The following DUSP4 variants were observed in gnomAD, a reference collection of about 807,000 sequenced individuals.
DUSP4 encodes dual specificity protein phosphatase 4.
DUSP4 carries 12 observed loss-of-function variants against 27.2 expected under a neutral mutation model. The observed-to-expected ratio is 0.44, with a 90% confidence interval of 0.28 to 0.71. The LOEUF is 0.71. Among genes scored for constraint, DUSP4 ranks in the 30% least tolerant of loss-of-function variants. DUSP4 has a pLI of 0.14. For synonymous variants in DUSP4, 257 were observed against 245.2 expected, an observed-to-expected ratio of 1.05 and a Z score of -0.45; for missense variants, 448 against 551.3, an observed-to-expected ratio of 0.81 and a Z score of 1.88.
intron 1 of DUSP4, chr8:29,345,862 A>G: frequency 9.6e-7 from 1 of 1,042,880 alleles, no homozygotes; most frequent in Non-Finnish European, 1.1e-6. Context: ...GTAAAAAATC[A>G]CCTGTAAGAC....
intron 1 of DUSP4, chr8:29,348,153 T>A (rs1817762293): frequency 1.0e-6 from 1 of 985,542 alleles, no homozygotes; most frequent in South Asian, 4.7e-5. Context: ...GGTCCCGGGT[T>A]TGGACGCCAG....
At position 29,345,257 on chromosome 8, in the gene DUSP4, G is replaced by A. The variant is rs991992564; in HGVS notation, c.433+4589C>T. The A allele has an allele frequency of 3.3e-5, 42 of 1,277,388 alleles. No individual in the cohort carries two copies. The Admixed American group carries it at 6.8e-4, about 21-fold the overall frequency. The allele number at this position is 1,277,388 out of a possible 1,614,324, so 79.1% of individuals were successfully genotyped here. On this transcript the variant is annotated intron_variant, in intron 1 of 3. Coordinates refer to ENST00000240100, the MANE Select transcript of DUSP4 (RefSeq NM_001394.7). ...TCATGCTCTTGCAAGAAAGTCTGGG[G>A]TTGTTTGAAGGCCATTTGCCTTTGG...
At position 29,350,475 on chromosome 8, in the gene DUSP4, G is replaced by A. The variant is rs991458031; in HGVS notation, c.-197C>T. ...CCCGCAGCCTCGCGGTCACATAGCA[G>A]TCGGAGCGGCCTCGGGCGCCCAGCC... is the stretch of plus-strand genomic sequence containing the variant. On this transcript the variant is annotated 5_prime_UTR_variant, in exon 1 of 4. Transcript: ENST00000240100. 3.0e-6 allele frequency: 2 copies of A among 673,992 alleles called. No individual in the cohort carries two copies. The highest frequency in any genetic ancestry group is 2.4e-5 in the South Asian group (1 of 40,994). The allele number at this position is 673,992 out of a possible 1,614,324, so 41.8% of individuals were successfully genotyped here.
Position 29,350,186 on chromosome 8 carries a change from G to A in DUSP4, c.93C>T (p.Ser31=), listed in dbSNP as rs1001753445. 1 of 1,607,382 alleles carries A rather than the reference G, an allele frequency of 6.2e-7. No individual in the cohort carries two copies. ...GCAGCCCCAGGGTGCCGTGGCTGCCGCTGCCGCCCGCGCCGCCGCCATTCT... is the reference window on the plus strand; with the variant it reads ...GCAGCCCCAGGGTGCCGTGGCTGCCACTGCCGCCCGCGCCGCCGCCATTCT... ...RDENGGGAGG[S]GSHGTLGLPS... is the part of the protein sequence containing the mutation. The change falls in exon 1 of 4, where the codon AGC becomes AGT. Residue 31 remains serine, a synonymous_variant. Transcript: ENST00000240100.
intron 2 of DUSP4, among the ~76,000 whole-genome samples, chr8:29,339,891 T>A (rs1463834224): frequency 6.9e-6 from 1 of 145,158 alleles, no homozygotes; most frequent in Non-Finnish European, 1.5e-5. Flanking sequence ...GTGCCACCTG[T>A]AGTCCCAGCT....
At chr8:29,342,336 G>A (rs1407054230) in intron 1 of DUSP4, among the ~76,000 whole-genome samples, 8 of 152,278 alleles carry the variant, frequency 5.3e-5, no homozygotes, top group African/African-American at 7.2e-5. Context: ...CCTCCTCCTC[G>A]TCTGTAAGTG....
Position 29,350,229 on chromosome 8 carries a change from C to T in DUSP4, c.50G>A (p.Arg17Lys), listed in dbSNP as rs1048079339. 1.2e-6 allele frequency: 2 copies of T among 1,608,260 alleles called. No individual in the cohort carries two copies. The highest frequency in any genetic ancestry group is 1.7e-6 in the Non-Finnish European group (2 of 1,177,650). The stretch of plus-strand genomic sequence containing the variant: ...GCCATTCTCGTCCCGGTTCATCAGC[C>T]TTTTGAGCACACTGCAGTCCATCTC... ...LREMDCSVLKRLMNRDENGGG... is the reference protein window; with the variant it reads ...LREMDCSVLKKLMNRDENGGG... Residue 17 changes from arginine to lysine, a missense_variant, in exon 1 of 4, where the codon AGG (arginine) becomes AAG (lysine). This residue lies in a region of DUSP4 where 345 missense variants were observed against 394.0 expected (regional missense o/e 0.88). Coordinates refer to ENST00000240100, the MANE Select transcript of DUSP4 (RefSeq NM_001394.7).
intron 1 of DUSP4, chr8:29,347,686 GC>G: frequency 1.1e-6 from 1 of 937,972 alleles, no homozygotes; most frequent in South Asian, 4.9e-5. Context: ...CCGCGTCGGG[GC>G]CGACTACGAG....
At chr8:29,338,630 TC>T in intron 2 of DUSP4, 129 bp from the exon 3 acceptor site, 1 of 1,013,298 alleles carries the variant, frequency 9.9e-7, no homozygotes, top group Non-Finnish European at 1.4e-6. Flanking sequence ...GGCCTGGCCC[TC>T]CCAGCCTCCC....
At chr8:29,348,336 G>A (rs2280102) in intron 1 of DUSP4, 223,236 of 985,552 alleles carry the variant, frequency 0.23, 27,281 homozygotes, top group East Asian at 0.66. Flanking sequence ...CCACCCTGGT[G>A]GCCTAACCAG....
At chr8:29,342,397 C>T (rs1817667887) in intron 1 of DUSP4, among the ~76,000 whole-genome samples, 1 of 152,172 alleles carries the variant, frequency 6.6e-6, no homozygotes, top group African/African-American at 2.4e-5. Flanking sequence ...GACAGCCAGG[C>T]TCTGTGCCTG....
At position 29,350,519 on chromosome 8, in the gene DUSP4, AG is replaced by A. The variant is rs919449760; in HGVS notation, c.-242del. ...CCCAGCCGGGCGGCGCGCAGAGCGG[AG>A]GGGGAGGCGCCGGTGGAGGAGAGTG... On this transcript the variant is annotated 5_prime_UTR_variant, in exon 1 of 4. Transcript: ENST00000240100. 3 of 532,280 alleles carry A rather than the reference AG, an allele frequency of 5.6e-6. No individual in the cohort carries two copies. Among genetic ancestry groups the A allele is most frequent in the Non-Finnish European group, 9.8e-6 (3 of 306,928 alleles). 33.0% of individuals were successfully genotyped at this position (532,280 alleles called of 1,614,324 possible).
At chr8:29,348,035 G>T in intron 1 of DUSP4, 1 of 985,602 alleles carries the variant, frequency 1.0e-6, no homozygotes, top group Non-Finnish European at 1.2e-6. Flanking sequence ...TGCCGCTCTA[G>T]GGCGGTCCCC....
chr8:29,336,866 TA>T lies in DUSP4; in HGVS notation c.*159del. ...GCTTTTATTATGTATTCGGAGTCCT[TA>T]TTGCCATTCTGGCTGGCCTCGTCGT... On this transcript the variant is annotated 3_prime_UTR_variant, in exon 4 of 4. Transcript: ENST00000240100. 1 of 1,047,024 alleles carries T rather than the reference TA, an allele frequency of 9.6e-7. No individual in the cohort carries two copies. Among genetic ancestry groups the T allele is most frequent in the Non-Finnish European group, 1.3e-6 (1 of 749,664 alleles). The allele number at this position is 1,047,024 out of a possible 1,614,324, so 64.9% of individuals were successfully genotyped here.
At position 29,337,881 on chromosome 8, in the gene DUSP4, G is replaced by A. The variant is rs1435770045; in HGVS notation, c.799+401C>T. ...CAGGAGAATCACTTGCACCCCAGAAGCGGAGGTTGCAGTGAGCTGAGATGG... is the reference window on the plus strand; with the variant it reads ...CAGGAGAATCACTTGCACCCCAGAAACGGAGGTTGCAGTGAGCTGAGATGG... On this transcript the variant is annotated intron_variant, in intron 3 of 3. Coordinates refer to ENST00000240100, the MANE Select transcript of DUSP4 (RefSeq NM_001394.7). This position sits in a 1 kb window ranked among gnomAD's most constrained non-coding sequence, Gnocchi z 6.4. Among the ~76,000 whole-genome samples the A allele has an allele frequency of 6.6e-6, 1 of 152,178 alleles. No individual in the cohort carries two copies. The highest frequency in any genetic ancestry group is 6.5e-5 in the Admixed American group (1 of 15,284).
intron 1 of DUSP4, chr8:29,345,860 T>G (rs904068132): frequency 9.5e-7 from 1 of 1,054,766 alleles, no homozygotes. Flanking sequence ...TTGTAAAAAA[T>G]CACCTGTAAG....
intron 1 of DUSP4, among the ~76,000 whole-genome samples, chr8:29,340,806 A>C (rs1051415382): frequency 3.9e-5 from 6 of 152,178 alleles, no homozygotes; most frequent in Non-Finnish European, 7.3e-5. Context: ...AACGGGCTTA[A>C]ATCTAAATAA....
chr8:29,349,183 G>A (rs1376834986), intron 1 of DUSP4, among the ~76,000 whole-genome samples: 2 of 152,250 alleles, frequency 1.3e-5, no homozygotes, highest in African/African-American at 4.8e-5. Context: ...GTTCCGCCCG[G>A]CGTCCCCCAG....
At chr8:29,345,698 C>G in intron 1 of DUSP4, 5 of 1,403,780 alleles carry the variant, frequency 3.6e-6, no homozygotes, top group Non-Finnish European at 4.6e-6. Flanking sequence ...GAGCCCACCT[C>G]TCCTATAAGC....
Sources: allele counts gnomAD v4.1 joint callset (sites outside exome capture counted in the v4.1 genomes callset), GRCh38; gene constraint gnomAD v4.1.1; regional missense constraint gnomAD v4.1.1; non-coding constraint Gnocchi (gnomAD v3.1); transcripts MANE v1.5; gene names NCBI Gene and HGNC (gene_info 2026-07-23, HGNC 2026-07-21).